Variants in SH3RF3 observed in about 807,000 individuals in gnomAD.
The protein encoded by SH3RF3 is SH3 domain containing ring finger 3.
In SH3RF3, 29 loss-of-function variants were observed where a neutral mutation model predicts 66.3. The observed-to-expected ratio is 0.44, with a 90% CI of 0.33 to 0.60. The LOEUF (loss-of-function observed/expected upper bound fraction) is 0.60, where lower values mean the gene tolerates loss of function less well. Ranked by LOEUF, SH3RF3 falls within the 20% of genes least tolerant of loss-of-function variation. The pLI, the probability that SH3RF3 is intolerant of heterozygous loss-of-function variation, is 0.04. For synonymous variants in SH3RF3, 583 were observed against 532.0 expected (o/e 1.10, Z -1.32); for missense variants, 1,194 against 1,190.9 (o/e 1.00, Z -0.04).
chr2:109,384,965 G>A (rs1573209437), intron 3 of SH3RF3, among the ~76,000 whole-genome samples: 1 of 152,204 alleles, frequency 6.6e-6, no homozygotes, highest in Admixed American at 6.5e-5. Context: ...ATTGCTCTTA[G>A]AATAAATCTA....
At chr2:109,432,404 T>A in intron 5 of SH3RF3, 97 bp from the exon 6 acceptor site, 1 of 1,488,516 alleles carries the variant, frequency 6.7e-7, no homozygotes, top group Non-Finnish European at 9.1e-7. Context: ...CTTTTTAGGT[T>A]GGGTTCCTCC....
chr2:109,187,061 G>A (rs778753648), intron 1 of SH3RF3, among the ~76,000 whole-genome samples: 2 of 150,346 alleles, frequency 1.3e-5, no homozygotes, highest in African/African-American at 2.4e-5. Flanking sequence ...CACCTGTCAC[G>A]GATCATTTAA....
chr2:109,200,048 G>A (rs933379450), intron 1 of SH3RF3, among the ~76,000 whole-genome samples: 2 of 152,108 alleles, frequency 1.3e-5, no homozygotes, highest in Non-Finnish European at 2.9e-5. Context: ...CCCCCACAGA[G>A]AAATGTCACC....
chr2:109,248,224 A>G (rs553959039), intron 1 of SH3RF3, among the ~76,000 whole-genome samples: 3 of 152,364 alleles, frequency 2.0e-5, no homozygotes, highest in East Asian at 3.9e-4. Context: ...TCAGATGAAT[A>G]GGAGTTCTTA....
intron 9 of SH3RF3, among the ~76,000 whole-genome samples, chr2:109,498,798 A>ATCCT (rs1679318165): frequency 6.6e-6 from 1 of 152,188 alleles, no homozygotes; most frequent in Admixed American, 6.5e-5. Flanking sequence ...TTGGGTAAAC[A>ATCCT]GGTGAATGGC....
chr2:109,330,423 T>C (rs558883867), intron 1 of SH3RF3, among the ~76,000 whole-genome samples: 1 of 152,362 alleles, frequency 6.6e-6, no homozygotes, highest in South Asian at 2.1e-4. Context: ...GATTATTCCT[T>C]AGTCATGTAT....
intron 1 of SH3RF3, among the ~76,000 whole-genome samples, chr2:109,326,762 G>C (rs1211652088): frequency 2.0e-5 from 3 of 152,174 alleles, no homozygotes; most frequent in Non-Finnish European, 2.9e-5. Flanking sequence ...AGTGGTTCTG[G>C]ATACAGTAAC....
At chr2:109,382,099 T>C (rs1444643769) in intron 3 of SH3RF3, among the ~76,000 whole-genome samples, 1 of 152,206 alleles carries the variant, frequency 6.6e-6, no homozygotes, top group African/African-American at 2.4e-5. Flanking sequence ...GGCTGTCCTC[T>C]GTCCCATCAG....
intron 8 of SH3RF3, among the ~76,000 whole-genome samples, chr2:109,476,507 C>T (rs1678686739): frequency 1.3e-5 from 2 of 152,242 alleles, no homozygotes; most frequent in South Asian, 2.1e-4. Flanking sequence ...ATATTTGGAC[C>T]TTCAGGTGAA....
chr2:109,354,682 G>GCC (rs1433913204), intron 2 of SH3RF3, among the ~76,000 whole-genome samples: 1 of 152,260 alleles, frequency 6.6e-6, no homozygotes, highest in Non-Finnish European at 1.5e-5. Flanking sequence ...TGCTCCGCCA[G>GCC]CCACCTCCAG....
At chr2:109,304,443 G>A (rs1042916287) in intron 1 of SH3RF3, among the ~76,000 whole-genome samples, 1 of 151,974 alleles carries the variant, frequency 6.6e-6, no homozygotes, top group Non-Finnish European at 1.5e-5. Context: ...AGGCTGAGTT[G>A]CCCCACGTTG....
intron 1 of SH3RF3, among the ~76,000 whole-genome samples, chr2:109,299,203 G>A (rs546549289): frequency 7.4e-4 from 112 of 152,328 alleles, no homozygotes; most frequent in African/African-American, 2.5e-3. Context: ...TTAAAACTGC[G>A]ACCCTGCCTC....
intron 1 of SH3RF3, among the ~76,000 whole-genome samples, chr2:109,225,018 TTGTC>T (rs1256287684): frequency 7.9e-5 from 12 of 152,076 alleles, no homozygotes; most frequent in South Asian, 2.1e-4. Context: ...GAAGGAAAGA[TTGTC>T]TGGAAGAAGG....
At chr2:109,342,224 C>G (rs1365382992) in intron 1 of SH3RF3, among the ~76,000 whole-genome samples, 1 of 152,202 alleles carries the variant, frequency 6.6e-6, no homozygotes, top group East Asian at 1.9e-4. Context: ...CCGCCAGGCC[C>G]AGCTGCTATT....
intron 1 of SH3RF3, among the ~76,000 whole-genome samples, chr2:109,134,489 T>G (rs1348858324): frequency 6.6e-6 from 1 of 152,134 alleles, no homozygotes; most frequent in Non-Finnish European, 1.5e-5. Context: ...ATCTAAATTA[T>G]TATTTATTGA....
At position 109,355,708 on chromosome 2, in the gene SH3RF3, C is replaced by T. The variant is rs539340109; in HGVS notation, c.849+7759C>T. ...CTGTTGGGAAACAGTGAGTGGAGAC[C>T]CTGGGGACGCCCTCCTCTGTGAAGC... On this transcript the variant is annotated intron_variant, in intron 2 of 9. Coordinates refer to ENST00000309415, the MANE Select transcript of SH3RF3 (RefSeq NM_001099289.3). Among the ~76,000 whole-genome samples the T allele has an allele frequency of 8.5e-5, 13 of 152,260 alleles. No individual in the cohort carries two copies. The South Asian group carries it at 2.5e-3, about 29-fold the overall frequency.
intron 1 of SH3RF3, among the ~76,000 whole-genome samples, chr2:109,337,025 T>A (rs1167144181): frequency 6.6e-6 from 1 of 152,246 alleles, no homozygotes; most frequent in Non-Finnish European, 1.5e-5. Flanking sequence ...TCATTAGGTA[T>A]GCTTTGATTC....
At chr2:109,218,666 A>G (rs1001945085) in intron 1 of SH3RF3, among the ~76,000 whole-genome samples, 1 of 152,210 alleles carries the variant, frequency 6.6e-6, no homozygotes, top group African/African-American at 2.4e-5. Context: ...CCTGCCGGCC[A>G]GCAGGAGTGA....
chr2:109,482,505 T>G (rs1280332060), intron 8 of SH3RF3, among the ~76,000 whole-genome samples: 3 of 152,174 alleles, frequency 2.0e-5, no homozygotes, highest in Non-Finnish European at 2.9e-5. Context: ...GTCAGTCTCT[T>G]TTGTTTCAGG....
Sources: allele counts gnomAD v4.1 joint callset (sites outside exome capture counted in the v4.1 genomes callset), GRCh38; gene constraint gnomAD v4.1.1; transcripts MANE v1.5; gene names NCBI Gene and HGNC (gene_info 2026-07-23, HGNC 2026-07-21).